The following RBPMS variants were observed in gnomAD, a reference collection of about 807,000 sequenced individuals.
RBPMS encodes RNA-binding protein with multiple splicing.
RBPMS carries 7 observed loss-of-function variants against 26.8 expected under a neutral mutation model. That is an observed-to-expected ratio of 0.26 (90% CI 0.15 to 0.49). The LOEUF (loss-of-function observed/expected upper bound fraction) is 0.49, where lower values mean the gene tolerates loss of function less well. Ranked by LOEUF, RBPMS falls within the 20% of genes least tolerant of loss-of-function variation. The pLI is 0.98. For synonymous variants in RBPMS, 96 were observed against 93.3 expected (o/e 1.03, Z -0.17); for missense variants, 186 against 250.0 (o/e 0.74, Z 1.73).
intron 5 of RBPMS, among the ~76,000 whole-genome samples, chr8:30,539,098 A>T (rs1255026927): frequency 6.6e-6 from 1 of 152,204 alleles, no homozygotes; most frequent in Non-Finnish European, 1.5e-5. Flanking sequence ...GATTGCTAAC[A>T]GAATCCTTGA....
intron 1 of RBPMS, among the ~76,000 whole-genome samples, chr8:30,419,006 GC>G (rs1468239189): frequency 6.8e-6 from 1 of 147,980 alleles, no homozygotes; most frequent in Non-Finnish European, 1.5e-5. Context: ...TTAAAGATAG[GC>G]CCCTGTTATC....
chr8:30,471,678 G>T (rs1472077471), intron 1 of RBPMS, among the ~76,000 whole-genome samples: 1 of 152,164 alleles, frequency 6.6e-6, no homozygotes, highest in African/African-American at 2.4e-5. Flanking sequence ...TGGAATAGAT[G>T]GTGTTCACTT....
chr8:30,444,985 G>A (rs1281245838), intron 1 of RBPMS: 1 of 152,048 alleles, frequency 6.6e-6, no homozygotes, highest in Non-Finnish European at 1.5e-5. Flanking sequence ...TAAATTTTAG[G>A]CAACTTAAAT....
chr8:30,562,019 C>T (rs1433892986), intron 7 of RBPMS: 55 of 985,076 alleles, frequency 5.6e-5, no homozygotes, highest in African/African-American at 1.0e-4. Context: ...GCCCTAGATC[C>T]GAATAAGATC....
chr8:30,496,756 A>G (rs1441260531), intron 4 of RBPMS, among the ~76,000 whole-genome samples: 2 of 152,134 alleles, frequency 1.3e-5, no homozygotes, highest in Admixed American at 6.5e-5. Context: ...GAAAACTTCT[A>G]CTGGTTCATT....
intron 5 of RBPMS, among the ~76,000 whole-genome samples, chr8:30,509,484 G>T (rs755934345): frequency 2.0e-5 from 3 of 152,186 alleles, no homozygotes; most frequent in Admixed American, 6.5e-5. Flanking sequence ...AGCCTGTAAA[G>T]TATCTCACAC....
chr8:30,436,494 C>G (rs1410991132), intron 1 of RBPMS, among the ~76,000 whole-genome samples: 1 of 152,212 alleles, frequency 6.6e-6, no homozygotes, highest in African/African-American at 2.4e-5. Flanking sequence ...GTTTCCAGTT[C>G]CTTTACTAGC....
At chr8:30,476,056 T>C (rs1817664280) in intron 2 of RBPMS, among the ~76,000 whole-genome samples, 1 of 152,186 alleles carries the variant, frequency 6.6e-6, no homozygotes, top group South Asian at 2.1e-4. Flanking sequence ...TTAACGCAAA[T>C]TGATCTTCTT....
At chr8:30,437,222 A>G (rs2150691561) in intron 1 of RBPMS, among the ~76,000 whole-genome samples, 1 of 150,498 alleles carries the variant, frequency 6.6e-6, no homozygotes, top group Admixed American at 6.6e-5. Flanking sequence ...CGCCCAGCCG[A>G]TATATGTAGC....
chr8:30,500,218 C>CT (rs1458282598), intron 4 of RBPMS, among the ~76,000 whole-genome samples: 1 of 152,096 alleles, frequency 6.6e-6, no homozygotes, highest in Admixed American at 6.5e-5. Flanking sequence ...AAGTTGTCTG[C>CT]TATTATTAAC....
chr8:30,549,780 C>CTG (rs1380548915), intron 6 of RBPMS, among the ~76,000 whole-genome samples: 4 of 94,088 alleles, frequency 4.3e-5, no homozygotes, highest in African/African-American at 2.0e-4. Context: ...TCTTCTCTCT[C>CTG]TCTCTCTCTC....
At chr8:30,469,986 G>T (rs1052510683) in intron 1 of RBPMS, among the ~76,000 whole-genome samples, 1 of 152,156 alleles carries the variant, frequency 6.6e-6, no homozygotes, top group African/African-American at 2.4e-5. Context: ...TATGAATTCA[G>T]TAGGCTTAGC....
chr8:30,423,908 G>A (rs1811083879), intron 1 of RBPMS, among the ~76,000 whole-genome samples: 1 of 151,924 alleles, frequency 6.6e-6, no homozygotes, highest in Non-Finnish European at 1.5e-5. Context: ...CACGATCTTG[G>A]CTCACTGCAA....
chr8:30,558,566 C>T (rs533953683), intron 6 of RBPMS: 57 of 456,750 alleles, frequency 1.2e-4, no homozygotes, highest in South Asian at 1.1e-3. Flanking sequence ...AAAAGGAATT[C>T]GCTGTGCCGG....
chr8:30,547,155 G>A (rs906992471), intron 6 of RBPMS: 7 of 663,672 alleles, frequency 1.1e-5, no homozygotes, highest in East Asian at 2.6e-5. Context: ...GAGCCTCTAC[G>A]GGGCATCTCC....
rs553989568 is a variant in RBPMS at position 30,556,864 on chromosome 8, C to A, written c.529-2023C>A. ...CTCCCCTAGACTCTTCTGTCCCCTT[C>A]CCTGCCCGCCCCTACCTCACCCCCA... On this transcript the variant is annotated intron_variant, in intron 6 of 8. Transcript: ENST00000397323. 1.1e-3 allele frequency: 741 copies of A among 700,642 alleles called. 4 individuals are homozygous for A. The African/African-American group carries it at 0.013, about 12-fold the overall frequency. 43.4% of individuals were successfully genotyped at this position (700,642 alleles called of 1,614,324 possible). A position where few individuals can be genotyped will look rare whatever the true frequency, so the allele number is the denominator to read the frequency against.
chr8:30,518,687 C>CTTTTTTTTTTT (rs58763494), intron 5 of RBPMS, among the ~76,000 whole-genome samples: 1,368 of 18,238 alleles, frequency 0.075, 561 homozygotes, highest in Non-Finnish European at 0.088. Flanking sequence ...CCAAGCATGA[C>CTTTTTTTTTTT]TTTTTTTTTT....
intron 4 of RBPMS, among the ~76,000 whole-genome samples, chr8:30,499,112 CT>C (rs906795490): frequency 1.3e-4 from 20 of 152,034 alleles, no homozygotes; most frequent in African/African-American, 4.8e-4. Flanking sequence ...GAGTAGAAAG[CT>C]GATACACTGT....
At chr8:30,413,199 C>A (rs902297230) in intron 1 of RBPMS, among the ~76,000 whole-genome samples, 8 of 152,174 alleles carry the variant, frequency 5.3e-5, no homozygotes, top group Non-Finnish European at 1.2e-4. Flanking sequence ...CTGCCTCAGC[C>A]TCCTGAGTAG....
Sources: allele counts gnomAD v4.1 joint callset (sites outside exome capture counted in the v4.1 genomes callset), GRCh38; gene constraint gnomAD v4.1.1; transcripts MANE v1.5; gene names NCBI Gene and HGNC (gene_info 2026-07-23, HGNC 2026-07-21).